Variants in NPFFR2 observed in about 807,000 individuals in gnomAD.
NPFFR2 encodes neuropeptide FF receptor 2.
NPFFR2 carries 15 observed loss-of-function variants against 13.1 expected under a neutral mutation model. That is an observed-to-expected ratio of 1.15 (90% CI 0.77 to 1.76). NPFFR2 has a LOEUF of 1.76. Among genes scored for constraint, NPFFR2 ranks in the 40% most tolerant of loss-of-function variants. NPFFR2 has a pLI of 0.00. For missense variants in NPFFR2, 572 were observed against 503.5 expected (o/e 1.14, Z -1.30); for synonymous variants, 190 against 175.7 (o/e 1.08, Z -0.65).
At chr4:72,130,599 G>A (rs1722205896) in intron 2 of NPFFR2, among the ~76,000 whole-genome samples, 1 of 152,136 alleles carries the variant, frequency 6.6e-6, no homozygotes, top group South Asian at 2.1e-4. Context: ...ACCCCTGCTT[G>A]GGACTGGTGA....
chr4:72,097,445 A>T lies in NPFFR2; in HGVS notation c.-7-31140A>T, dbSNP rs540885067. Among the ~76,000 whole-genome samples, 21 of 152,164 alleles carry T rather than the reference A, an allele frequency of 1.4e-4. No homozygotes were observed. In the East Asian group the frequency reaches 3.7e-3, roughly 27 times the overall value. ...GCTTTTCCTCTCTCAATTCTAATCT[A>T]TTGTGACCAGCTCATAAGGTAACCA... On this transcript the variant is annotated intron_variant, in intron 1 of 3. Coordinates refer to ENST00000308744, the MANE Select transcript of NPFFR2 (RefSeq NM_004885.3).
At chr4:72,089,146 G>A (rs1461558049) in intron 1 of NPFFR2, among the ~76,000 whole-genome samples, 1 of 152,050 alleles carries the variant, frequency 6.6e-6, no homozygotes, top group Non-Finnish European at 1.5e-5. Context: ...CCAGGTTGCT[G>A]CAAATATCAT....
intron 1 of NPFFR2, among the ~76,000 whole-genome samples, chr4:72,060,674 C>T (rs1719895281): frequency 2.6e-5 from 4 of 151,946 alleles, no homozygotes; most frequent in Admixed American, 6.6e-5. Flanking sequence ...TAAGTATAGA[C>T]GTTGAGCTGA....
chr4:72,032,797 G>A (rs1431138791), intron 1 of NPFFR2, among the ~76,000 whole-genome samples: 1 of 152,068 alleles, frequency 6.6e-6, no homozygotes, highest in African/African-American at 2.4e-5. Flanking sequence ...CAACAGTGCC[G>A]CCCTAGGTCA....
chr4:72,142,268 A>G (rs1038471608), intron 3 of NPFFR2, among the ~76,000 whole-genome samples: 26 of 152,142 alleles, frequency 1.7e-4, no homozygotes, highest in Admixed American at 9.2e-4. Flanking sequence ...TTTAAGGTTA[A>G]TAGCGTTATA....
At chr4:72,102,633 T>C (rs1721287974) in intron 1 of NPFFR2, among the ~76,000 whole-genome samples, 1 of 151,172 alleles carries the variant, frequency 6.6e-6, no homozygotes, top group Non-Finnish European at 1.5e-5. Context: ...GTGTTTGTTT[T>C]TTTGTCCTTG....
At chr4:72,132,022 T>G (rs890665820) in intron 2 of NPFFR2, among the ~76,000 whole-genome samples, 1 of 152,142 alleles carries the variant, frequency 6.6e-6, no homozygotes. Flanking sequence ...AACTTCTATT[T>G]TTAATTCAGG....
chr4:72,046,809 A>G (rs180850892), intron 1 of NPFFR2, among the ~76,000 whole-genome samples: 1 of 152,306 alleles, frequency 6.6e-6, no homozygotes, highest in African/African-American at 2.4e-5. Flanking sequence ...TAGAGATTAC[A>G]TAAGGGGTGG....
chr4:72,077,087 G>A (rs1002223928), intron 1 of NPFFR2, among the ~76,000 whole-genome samples: 1 of 152,030 alleles, frequency 6.6e-6, no homozygotes, highest in Non-Finnish European at 1.5e-5. Flanking sequence ...AGGTACATAG[G>A]ATAAAATAGT....
Position 72,148,045 on chromosome 4 carries a change from A to C in NPFFR2, c.*233A>C. ...TAGACATGTTTGCATGAATAAATATATTTCTAGAGAACAGTTTACAAAGCC... is the reference window on the plus strand; with the variant it reads ...TAGACATGTTTGCATGAATAAATATCTTTCTAGAGAACAGTTTACAAAGCC... On this transcript the variant is annotated 3_prime_UTR_variant, in exon 4 of 4. Transcript: ENST00000308744. The C allele has an allele frequency of 2.4e-6, 1 of 408,976 alleles. No individual in the cohort carries two copies. The highest frequency in any genetic ancestry group is 4.3e-6 in the Non-Finnish European group (1 of 231,846). 25.3% of individuals were successfully genotyped at this position (408,976 alleles called of 1,614,324 possible). A position where few individuals can be genotyped will look rare whatever the true frequency, so the allele number is the denominator to read the frequency against.
intron 1 of NPFFR2, among the ~76,000 whole-genome samples, chr4:72,109,308 A>G (rs1331983096): frequency 6.6e-6 from 1 of 151,844 alleles, no homozygotes; most frequent in African/African-American, 2.4e-5. Context: ...CCTCCTTTTA[A>G]CTTTTGGTAA....
At chr4:72,086,572 TTGA>T (rs1020464162) in intron 1 of NPFFR2, among the ~76,000 whole-genome samples, 4 of 152,280 alleles carry the variant, frequency 2.6e-5, no homozygotes, top group African/African-American at 4.8e-5. Flanking sequence ...TCTGATTTTC[TTGA>T]TGATTATAAG....
At chr4:72,082,648 CT>C (rs1560405662) in intron 1 of NPFFR2, among the ~76,000 whole-genome samples, 1 of 151,658 alleles carries the variant, frequency 6.6e-6, no homozygotes, top group Non-Finnish European at 1.5e-5. Flanking sequence ...AAATCTGCAT[CT>C]TTTTTTGTGA....
At chr4:72,088,679 G>C (rs889913238) in intron 1 of NPFFR2, among the ~76,000 whole-genome samples, 2 of 151,758 alleles carry the variant, frequency 1.3e-5, no homozygotes, top group Non-Finnish European at 2.9e-5. Flanking sequence ...CATGGCAGCA[G>C]GAGAGAGAGA....
intron 1 of NPFFR2, among the ~76,000 whole-genome samples, chr4:72,073,115 C>T (rs1474363128): frequency 6.6e-6 from 1 of 151,964 alleles, no homozygotes; most frequent in Non-Finnish European, 1.5e-5. Context: ...ATTCAAACTT[C>T]TAAAAGAGCA....
rs80216373 is a variant in NPFFR2, at chr4:72,048,111, C to T, written c.-8+15911C>T. Among the ~76,000 whole-genome samples, 477 of 152,168 alleles carry T rather than the reference C, an allele frequency of 3.1e-3. 4 individuals are homozygous for T. Among genetic ancestry groups the T allele is most frequent in the African/African-American group, 0.011 (440 of 41,534 alleles). The stretch of plus-strand genomic sequence containing the variant: ...ACATATATGTTTATGTATAGGTCAT[C>T]TCCCTGCCATATATATATACACACG... On this transcript the variant is annotated intron_variant, in intron 1 of 3. Coordinates refer to ENST00000308744, the MANE Select transcript of NPFFR2 (RefSeq NM_004885.3).
In NPFFR2 at chr4:72,053,654, TACTA is replaced by T. The variant is rs1482928955; in HGVS notation, c.-8+21456_-8+21459del. Among the ~76,000 whole-genome samples the T allele has an allele frequency of 2.6e-5, 4 of 152,014 alleles. No individual in the cohort carries two copies. The East Asian group carries it at 7.7e-4, about 29-fold the overall frequency. ...AAATTGACTTTATATCTTGAGAACT[TACTA>T]AATTATTATTTATGATGACTTTCAT... is the stretch of plus-strand genomic sequence containing the variant. On this transcript the variant is annotated intron_variant, in intron 1 of 3. Transcript: ENST00000308744.
At chr4:72,087,448 T>C (rs568364478) in intron 1 of NPFFR2, among the ~76,000 whole-genome samples, 1 of 152,200 alleles carries the variant, frequency 6.6e-6, no homozygotes, top group African/African-American at 2.4e-5. Flanking sequence ...ACAGGAAAGA[T>C]AGATTTGACT....
At chr4:72,101,427 A>G (rs938085438) in intron 1 of NPFFR2, among the ~76,000 whole-genome samples, 8 of 151,736 alleles carry the variant, frequency 5.3e-5, no homozygotes, top group Non-Finnish European at 1.0e-4. Flanking sequence ...TAACTTTCAA[A>G]TTAGAAGAAT....
Sources: allele counts gnomAD v4.1 joint callset (sites outside exome capture counted in the v4.1 genomes callset), GRCh38; gene constraint gnomAD v4.1.1; transcripts MANE v1.5; gene names NCBI Gene and HGNC (gene_info 2026-07-23, HGNC 2026-07-21).